Variants in BRWD1 observed in about 807,000 individuals in gnomAD.
The protein encoded by BRWD1 is bromodomain and WD repeat domain containing 1.
Under a neutral mutation model 251.2 loss-of-function variants are expected in BRWD1, and 82 were observed. That is an observed-to-expected ratio of 0.33 (90% confidence interval 0.27 to 0.39). The LOEUF is 0.39. BRWD1 is among the 10% of genes least tolerant of loss of function. BRWD1 has a pLI of 1.00. For synonymous variants in BRWD1, 918 were observed against 902.8 expected (o/e 1.02, Z -0.30); for missense variants, 2,233 against 2,711.6 (o/e 0.82, Z 3.92).
chr21:39,251,472 T>C (rs1298831849), intron 19 of BRWD1, among the ~76,000 whole-genome samples: 1 of 152,174 alleles, frequency 6.6e-6, no homozygotes, highest in Non-Finnish European at 1.5e-5. Flanking sequence ...TAAAAACACG[T>C]GGCTTTTATG....
At chr21:39,226,486 T>C (rs1308012037) in intron 27 of BRWD1, among the ~76,000 whole-genome samples, 1 of 152,190 alleles carries the variant, frequency 6.6e-6, no homozygotes, top group East Asian at 1.9e-4. Flanking sequence ...AGTTTAACTG[T>C]AGATAATTCA....
intron 13 of BRWD1, among the ~76,000 whole-genome samples, chr21:39,272,312 A>AT (rs1028977413): frequency 9.4e-4 from 141 of 149,724 alleles, no homozygotes; most frequent in Admixed American, 2.3e-3. Context: ...AAATAAATAA[A>AT]AAAAAAAAAA....
At chr21:39,301,893 G>GAAA (rs1555877780) in intron 4 of BRWD1, among the ~76,000 whole-genome samples, 13 of 56,774 alleles carry the variant, frequency 2.3e-4, no homozygotes, top group African/African-American at 5.4e-4. Context: ...TTACTGTGCC[G>GAAA]AAAAAAAAAA....
rs2031332179 is a variant in BRWD1, at chr21:39,187,848, A to C, written c.*8411T>G. ...GTTGCTTTAAGGAACCAAAAAGTGC[A>C]GAGTGCTATGAGAACACAGACTGGA... On this transcript the variant is annotated 3_prime_UTR_variant, in exon 41 of 41. Transcript: ENST00000342449. The C allele has an allele frequency of 7.1e-6, 7 of 984,952 alleles. No homozygotes were observed. The highest frequency in any genetic ancestry group is 8.4e-6 in the Non-Finnish European group (7 of 829,590). The allele number at this position is 984,952 out of a possible 1,614,324, so 61.0% of individuals were successfully genotyped here.
chr21:39,195,363 G>C lies in BRWD1; in HGVS notation c.*896C>G, dbSNP rs936266640. On this transcript the variant is annotated 3_prime_UTR_variant, in exon 41 of 41. Transcript: ENST00000342449. Reference sequence around the variant, plus strand: ...TTTTAGCCCTGTACACTCTATTAAAGAACACACTTCTAAATCTAAGGCACA... The same window carrying C: ...TTTTAGCCCTGTACACTCTATTAAACAACACACTTCTAAATCTAAGGCACA... The C allele has an allele frequency of 1.5e-5, 15 of 985,572 alleles. No homozygotes were observed. The highest frequency in any genetic ancestry group is 1.7e-5 in the African/African-American group (1 of 57,164). The allele number at this position is 985,572 out of a possible 1,614,324, so 61.1% of individuals were successfully genotyped here. A position where few individuals can be genotyped will look rare whatever the true frequency, so the allele number is the denominator to read the frequency against.
In BRWD1 at chr21:39,274,325, GAC is replaced by G. The variant is rs2035212824; in HGVS notation, c.1244+47_1244+48del. 2.3e-6 allele frequency: 3 copies of G among 1,310,446 alleles called. No homozygotes were observed. In the African/African-American group the frequency reaches 4.5e-5, roughly 19 times the overall value. The allele number at this position is 1,310,446 out of a possible 1,614,324, so 81.2% of individuals were successfully genotyped here. ...AGAGCGAGAGAGAGAGAGAGAGAGA[GAC>G]AGATCGAACACCTATGATGCACCTA... On this transcript the variant is annotated intron_variant, in intron 13 of 40. Coordinates refer to ENST00000342449, the MANE Select transcript of BRWD1 (RefSeq NM_033656.4).
At chr21:39,290,305 C>T (rs959451382) in intron 8 of BRWD1, among the ~76,000 whole-genome samples, 1 of 151,672 alleles carries the variant, frequency 6.6e-6, no homozygotes, top group Non-Finnish European at 1.5e-5. Flanking sequence ...CTGGCTAACA[C>T]AGTGAAACCC....
intron 3 of BRWD1, 37 bp downstream of exon 3, chr21:39,313,035 G>C: frequency 7.5e-7 from 1 of 1,337,800 alleles, no homozygotes; most frequent in Non-Finnish European, 9.6e-7. Flanking sequence ...GTCGGCAGGA[G>C]GAACCCGAGG....
Position 39,193,273 on chromosome 21 carries a change from G to T in BRWD1, c.*2986C>A. On this transcript the variant is annotated 3_prime_UTR_variant, in exon 41 of 41. Transcript: ENST00000342449. The stretch of plus-strand genomic sequence containing the variant: ...GTAACTGCTATATCATTGTTTCCAA[G>T]GATTAATAAACTGAGAAATGATTTA... 1.0e-6 allele frequency: 1 copy of T among 984,944 alleles called. No homozygotes were observed. The highest frequency in any genetic ancestry group is 1.2e-6 in the Non-Finnish European group (1 of 829,654). 61.0% of individuals were successfully genotyped at this position (984,944 alleles called of 1,614,324 possible). A position where few individuals can be genotyped will look rare whatever the true frequency, so the allele number is the denominator to read the frequency against.
chr21:39,314,313 G>T (rs115796978), upstream of BRWD1: 2,586 of 455,962 alleles, frequency 5.7e-3, 54 homozygotes, highest in African/African-American at 0.045. Context: ...CAAGCCAGCA[G>T]CCCGGCAGAA....
At position 39,213,539 on chromosome 21, in the gene BRWD1, G is replaced by A; in HGVS notation, c.3800C>T (p.Thr1267Ile). Residue 1267 changes from threonine to isoleucine, a missense_variant, in exon 33 of 41, where the codon ACA becomes ATA. This residue lies in a region of BRWD1 where 167 missense variants were observed against 183.2 expected (regional missense o/e 0.91). Transcript: ENST00000342449. ...TGTGTTAGAAAGTTCTGAGATATTT[G>A]TACAGTGTTGATTCCTAAAAAACAA... ...LLKFIKNQHC[T>I]NISELSNTSE... 1 of 1,610,452 alleles carries A rather than the reference G, an allele frequency of 6.2e-7. No homozygotes were observed. The highest frequency in any genetic ancestry group is 1.1e-5 in the South Asian group (1 of 90,496).
Position 39,187,463 on chromosome 21 carries a change from A to C in BRWD1, c.*8796T>G, listed in dbSNP as rs993023799. On this transcript the variant is annotated 3_prime_UTR_variant, in exon 41 of 41. Transcript: ENST00000342449. The stretch of plus-strand genomic sequence containing the variant: ...CATGTAAATGCAAAAATCTTGTAAC[A>C]CAAGATTTTACTACTGCTAACATTC... The C allele has an allele frequency of 3.3e-6, 5 of 1,509,704 alleles. No homozygotes were observed. The African/African-American group carries it at 7.0e-5, about 21-fold the overall frequency. 93.5% of individuals were successfully genotyped at this position (1,509,704 alleles called of 1,614,324 possible). A position where few individuals can be genotyped will look rare whatever the true frequency, so the allele number is the denominator to read the frequency against.
intron 8 of BRWD1, among the ~76,000 whole-genome samples, chr21:39,285,891 AAAG>A (rs1269551411): frequency 4.0e-5 from 6 of 149,524 alleles, no homozygotes; most frequent in African/African-American, 1.5e-4. Context: ...AAAAAAAAAA[AAAG>A]AATGTATTCG....
At chr21:39,201,688 T>C (rs2032115941) in intron 38 of BRWD1, among the ~76,000 whole-genome samples, 1 of 152,232 alleles carries the variant, frequency 6.6e-6, no homozygotes, top group African/African-American at 2.4e-5. Context: ...AGTTCTAATG[T>C]GATACACATG....
At chr21:39,237,330 C>A (rs2146568940) in intron 22 of BRWD1, among the ~76,000 whole-genome samples, 1 of 152,184 alleles carries the variant, frequency 6.6e-6, no homozygotes, top group South Asian at 2.1e-4. Flanking sequence ...GAGACTAGTC[C>A]TAGTCCTTAG....
chr21:39,311,653 C>G (rs1028448351), intron 4 of BRWD1, among the ~76,000 whole-genome samples: 1 of 152,222 alleles, frequency 6.6e-6, no homozygotes, highest in Non-Finnish European at 1.5e-5. Context: ...CAAAAATAAA[C>G]TATCTCAAAA....
chr21:39,202,556 A>G lies in BRWD1; in HGVS notation c.4365-11T>C, dbSNP rs1487338048. ...TTCGGCTTGAGGTTTCTGGCCAAAC[A>G]TATGAACAAAGGAAACAGTATTTAA... On this transcript the variant is annotated splice_polypyrimidine_tract_variant and intron_variant, in intron 37 of 40. Transcript: ENST00000342449. 6 of 1,592,084 alleles carry G rather than the reference A, an allele frequency of 3.8e-6. No homozygotes were observed. Among genetic ancestry groups the G allele is most frequent in the Middle Eastern group, 1.7e-4 (1 of 5,994 alleles).
At chr21:39,301,111 A>G (rs4818014) in intron 4 of BRWD1, among the ~76,000 whole-genome samples, 140,188 of 151,258 alleles carry the variant, frequency 0.93, 65,306 homozygotes, top group African/African-American at 0.97. Context: ...CCCAGGAGGC[A>G]GAGCTTGCAG....
At chr21:39,243,796 A>G (rs534453947) in intron 21 of BRWD1, among the ~76,000 whole-genome samples, 1 of 152,308 alleles carries the variant, frequency 6.6e-6, no homozygotes, top group African/African-American at 2.4e-5. Flanking sequence ...TACACAAGGA[A>G]ATATGTAGAT....
Sources: gnomAD v4.1 joint callset for allele counts (sites outside exome capture counted in the v4.1 genomes callset) on GRCh38, gnomAD v4.1.1 for gene constraint, gnomAD v4.1.1 regional missense constraint, MANE v1.5 for transcripts, NCBI Gene and HGNC (gene_info 2026-07-23, HGNC 2026-07-21) for gene names.